The following PDE4B variants were observed in gnomAD, a reference collection of about 807,000 sequenced individuals.
PDE4B encodes phosphodiesterase 4B.
A neutral mutation model predicts 82.2 loss-of-function variants in PDE4B; 20 were observed. That is an observed-to-expected ratio of 0.24 (90% CI 0.17 to 0.35). The LOEUF (loss-of-function observed/expected upper bound fraction) is 0.35, where lower values mean the gene tolerates loss of function less well. Among genes scored for constraint, PDE4B ranks in the 10% least tolerant of loss-of-function variants. PDE4B has a pLI of 1.00. For synonymous variants in PDE4B, 320 were observed against 318.9 expected (o/e 1.00, Z -0.04); for missense variants, 655 against 907.2 (o/e 0.72, Z 3.57).
At chr1:66,210,880 C>A (rs1570476654) in intron 3 of PDE4B, among the ~76,000 whole-genome samples, 1 of 152,198 alleles carries the variant, frequency 6.6e-6, no homozygotes, top group Non-Finnish European at 1.5e-5. Context: ...ATGCATGACT[C>A]ACTTTCCAGT....
intron 3 of PDE4B, among the ~76,000 whole-genome samples, chr1:66,089,271 C>T (rs990309300): frequency 2.6e-5 from 4 of 152,062 alleles, no homozygotes; most frequent in African/African-American, 4.8e-5. Context: ...CCATCCGCTA[C>T]GTAGCCGCTA....
At chr1:65,825,938 C>T (rs1268556597) in intron 1 of PDE4B, among the ~76,000 whole-genome samples, 1 of 151,922 alleles carries the variant, frequency 6.6e-6, no homozygotes, top group African/African-American at 2.4e-5. Flanking sequence ...GTTTTATCAT[C>T]TTTATGGCAA....
At chr1:66,182,202 G>A (rs954085008) in intron 3 of PDE4B, among the ~76,000 whole-genome samples, 5 of 152,128 alleles carry the variant, frequency 3.3e-5, no homozygotes, top group Admixed American at 1.3e-4. Flanking sequence ...AGGGTTTTTC[G>A]GTGTGGTTGT....
At chr1:66,333,060 A>G (rs1003176156) in intron 8 of PDE4B, among the ~76,000 whole-genome samples, 1 of 152,230 alleles carries the variant, frequency 6.6e-6, no homozygotes, top group Non-Finnish European at 1.5e-5. Flanking sequence ...ATGGGAAAGA[A>G]TGGTCTGTGT....
At chr1:66,124,920 T>TGC (rs1208696856) in intron 3 of PDE4B, among the ~76,000 whole-genome samples, 10 of 149,966 alleles carry the variant, frequency 6.7e-5, no homozygotes, top group South Asian at 2.1e-4. Context: ...TGTGTATGCG[T>TGC]GTGTGTGTGT....
intron 3 of PDE4B, among the ~76,000 whole-genome samples, chr1:65,924,732 C>G (rs530763869): frequency 6.6e-6 from 1 of 152,312 alleles, no homozygotes; most frequent in South Asian, 2.1e-4. Flanking sequence ...ACCTGATCAA[C>G]ATGGTTGTTG....
At chr1:66,178,336 G>A (rs1228244462) in intron 3 of PDE4B, among the ~76,000 whole-genome samples, 6 of 151,996 alleles carry the variant, frequency 3.9e-5, no homozygotes, top group Admixed American at 3.9e-4. Context: ...ACAGGCTGTG[G>A]CAGTGTTAAC....
At chr1:66,279,867 C>G (rs1656166989) in intron 7 of PDE4B, among the ~76,000 whole-genome samples, 1 of 152,196 alleles carries the variant, frequency 6.6e-6, no homozygotes, top group Admixed American at 6.5e-5. Flanking sequence ...CCACCAACAT[C>G]ATCGGGGGTA....
intron 7 of PDE4B, among the ~76,000 whole-genome samples, chr1:66,277,143 G>A (rs969701109): frequency 2.8e-5 from 4 of 140,466 alleles, no homozygotes; most frequent in African/African-American, 1.1e-4. Context: ...GGGGTAGATC[G>A]AGGGGCGGTG....
intron 1 of PDE4B, among the ~76,000 whole-genome samples, chr1:65,803,060 A>C (rs984419740): frequency 2.1e-4 from 32 of 152,152 alleles, no homozygotes; most frequent in African/African-American, 7.7e-4. Flanking sequence ...AAGAGCAAAT[A>C]TATTTTTTAA....
At chr1:65,927,293 G>T (rs1027302455) in intron 3 of PDE4B, among the ~76,000 whole-genome samples, 4 of 151,352 alleles carry the variant, frequency 2.6e-5, no homozygotes, top group Admixed American at 6.6e-5. Flanking sequence ...GGTGGTTATA[G>T]TATAGGGGTA....
intron 3 of PDE4B, among the ~76,000 whole-genome samples, chr1:66,061,721 A>G (rs1432951472): frequency 6.6e-6 from 1 of 152,114 alleles, no homozygotes; most frequent in Non-Finnish European, 1.5e-5. Context: ...CTTACTGCTT[A>G]CAAATAACTG....
At chr1:66,356,112 A>T (rs1390333534) in intron 9 of PDE4B, among the ~76,000 whole-genome samples, 1 of 152,196 alleles carries the variant, frequency 6.6e-6, no homozygotes, top group Admixed American at 6.6e-5. Context: ...TTTGGAAATA[A>T]TTTGACTATT....
intron 7 of PDE4B, among the ~76,000 whole-genome samples, chr1:66,317,809 G>T (rs563630278): frequency 6.6e-6 from 1 of 152,256 alleles, no homozygotes; most frequent in South Asian, 2.1e-4. Flanking sequence ...GATGTAGGAG[G>T]ATCACTTGGC....
chr1:66,141,360 A>ATATATG (rs1288596614), intron 3 of PDE4B, among the ~76,000 whole-genome samples: 1 of 128,140 alleles, frequency 7.8e-6, no homozygotes, highest in Non-Finnish European at 1.7e-5. Context: ...ATATATATAT[A>ATATATG]TATATATGAA....
At chr1:65,983,089 C>T (rs1185412809) in intron 3 of PDE4B, among the ~76,000 whole-genome samples, 4 of 152,162 alleles carry the variant, frequency 2.6e-5, no homozygotes, top group East Asian at 1.9e-4. Context: ...TGGAATTTTT[C>T]GTGCTAGGTT....
chr1:65,923,802 G>C (rs774479223), intron 3 of PDE4B, among the ~76,000 whole-genome samples: 3 of 152,004 alleles, frequency 2.0e-5, no homozygotes, highest in Non-Finnish European at 2.9e-5. Context: ...ATGTGCCTAA[G>C]GATGGATTTC....
At chr1:66,342,548 T>TA (rs374881888) in intron 8 of PDE4B, among the ~76,000 whole-genome samples, 115 of 96,486 alleles carry the variant, frequency 1.2e-3, no homozygotes, top group East Asian at 3.9e-3. Flanking sequence ...TGTCTCTAAT[T>TA]AAAAAAAAAA....
At chr1:65,961,990 T>A (rs1168273361) in intron 3 of PDE4B, among the ~76,000 whole-genome samples, 4 of 152,172 alleles carry the variant, frequency 2.6e-5, no homozygotes, top group Non-Finnish European at 4.4e-5. Context: ...TACAACCTGA[T>A]AAACCCATTA....
Sources: gnomAD v4.1 joint callset for allele counts (sites outside exome capture counted in the v4.1 genomes callset) on GRCh38, gnomAD v4.1.1 for gene constraint, MANE v1.5 for transcripts, NCBI Gene and HGNC (gene_info 2026-07-23, HGNC 2026-07-21) for gene names.